The following FKTN variants were observed in gnomAD, a reference collection of about 807,000 sequenced individuals.
FKTN encodes the protein fukutin, also known as ribitol-5-phosphate transferase FKTN.
FKTN carries 47 observed loss-of-function variants against 58.6 expected under a neutral mutation model. The ratio of observed to expected loss-of-function variants is 0.80; its 90% CI spans 0.63 to 1.02. The LOEUF (loss-of-function observed/expected upper bound fraction) is 1.02, where lower values mean the gene tolerates loss of function less well. Among genes scored for constraint, FKTN ranks in the 50% least tolerant of loss-of-function variants. FKTN has a pLI of 0.00. For missense variants in FKTN, 516 were observed against 537.3 expected, an observed-to-expected ratio of 0.96 and a Z score of 0.39; for synonymous variants, 178 against 191.9, an observed-to-expected ratio of 0.93 and a Z score of 0.60.
At chr9:105,616,986 A>G (rs1830943484) in intron 8 of FKTN, among the ~76,000 whole-genome samples, 1 of 152,150 alleles carries the variant, frequency 6.6e-6, no homozygotes, top group South Asian at 2.1e-4. Context: ...AAGACACTTC[A>G]TAGTCATTTG....
At chr9:105,600,008 T>C (rs148485357) in intron 4 of FKTN, among the ~76,000 whole-genome samples, 188 of 152,164 alleles carry the variant, frequency 1.2e-3, no homozygotes, top group African/African-American at 4.2e-3. Flanking sequence ...TATAGGGCAA[T>C]TCAGATTTTG....
intron 3 of FKTN, among the ~76,000 whole-genome samples, chr9:105,582,156 C>T (rs959091835): frequency 2.0e-5 from 3 of 152,086 alleles, no homozygotes; most frequent in African/African-American, 7.2e-5. Flanking sequence ...AGCTGTAGAC[C>T]GGAGCTGTTC....
In FKTN at chr9:105,607,974, C is replaced by T. The variant is rs1215929484; in HGVS notation, c.780+23C>T. 2.5e-6 allele frequency: 4 copies of T among 1,598,216 alleles called. 1 individual carries two copies. The Admixed American group carries it at 6.7e-5, about 27-fold the overall frequency. Reference sequence around the variant, plus strand: ...CAGGTTAGAGACAACCAAATGTGTACTTTTAAATTAAAGAAAATGTTGGGA... The same window carrying T: ...CAGGTTAGAGACAACCAAATGTGTATTTTTAAATTAAAGAAAATGTTGGGA... On this transcript the variant is annotated intron_variant, in intron 7 of 10. Transcript: ENST00000357998.
intron 3 of FKTN, among the ~76,000 whole-genome samples, chr9:105,589,977 G>T (rs2132434690): frequency 6.6e-6 from 1 of 152,302 alleles, no homozygotes; most frequent in South Asian, 2.1e-4. Context: ...CCGTTGTAAG[G>T]ACTTTGACCT....
At chr9:105,589,430 A>C (rs1844462978) in intron 3 of FKTN, among the ~76,000 whole-genome samples, 1 of 148,856 alleles carries the variant, frequency 6.7e-6, no homozygotes, top group Non-Finnish European at 1.5e-5. Context: ...TGAACCCAGG[A>C]GGCGGAGGTT....
At chr9:105,631,473 A>G in intron 10 of FKTN, among the ~76,000 whole-genome samples, 1 of 151,810 alleles carries the variant, frequency 6.6e-6, no homozygotes, top group East Asian at 1.9e-4. Context: ...CAGGTTCGGG[A>G]ACAGGCAACC....
rs1827828109 is a variant in FKTN, at chr9:105,601,278, A to C, written c.299A>C (p.Gln100Pro). The change falls in exon 5 of 11, where the codon CAA becomes CCA. Residue 100 changes from glutamine (Q) to proline (P), a missense_variant. Transcript: ENST00000357998. ...VKNTSHGSTS[Q>P]CKFFCVPRDF... ...AATACTTCTCATGGCTCTACTTCAC[A>C]ATGCAAGTTTTTCTGTGTTCCAAGA... 2 of 1,612,888 alleles carry C rather than the reference A, an allele frequency of 1.2e-6. No individual in the cohort carries two copies. Among genetic ancestry groups the C allele is most frequent in the South Asian group, 2.2e-5 (2 of 91,068 alleles).
chr9:105,627,248 A>G (rs541072110), intron 10 of FKTN, among the ~76,000 whole-genome samples: 2 of 152,276 alleles, frequency 1.3e-5, no homozygotes, highest in Admixed American at 1.3e-4. Context: ...ATTGGAATAC[A>G]GGCATGAGCT....
chr9:105,621,721 C>G (rs1208539717), intron 10 of FKTN, among the ~76,000 whole-genome samples: 1 of 152,026 alleles, frequency 6.6e-6, no homozygotes, highest in Non-Finnish European at 1.5e-5. Flanking sequence ...CCTCACATAG[C>G]TATGTATCTT....
At chr9:105,580,369 C>G (rs1488865738) in intron 3 of FKTN, among the ~76,000 whole-genome samples, 36 of 151,218 alleles carry the variant, frequency 2.4e-4, no homozygotes, top group East Asian at 7.9e-4. Context: ...CTGGTGGTGA[C>G]AAAATCTCTC....
intron 6 of FKTN, among the ~76,000 whole-genome samples, chr9:105,605,190 G>T (rs1828674116): frequency 6.6e-6 from 1 of 151,800 alleles, no homozygotes; most frequent in South Asian, 2.1e-4. Context: ...TGTATACACA[G>T]CTTCATAATC....
At chr9:105,569,725 C>A (rs1840404215) in intron 1 of FKTN, among the ~76,000 whole-genome samples, 1 of 152,144 alleles carries the variant, frequency 6.6e-6, no homozygotes, top group South Asian at 2.1e-4. Flanking sequence ...ATATATTAAT[C>A]TTCTCATATT....
chr9:105,602,465 G>A (rs1828050541), intron 5 of FKTN, among the ~76,000 whole-genome samples: 1 of 152,232 alleles, frequency 6.6e-6, no homozygotes. Context: ...TAGTCAAGAG[G>A]AAGAAGCAAA....
intron 3 of FKTN, 123 bp downstream of exon 3, chr9:105,575,260 G>A: frequency 4.3e-6 from 3 of 695,470 alleles, no homozygotes; most frequent in Admixed American, 2.1e-5. Flanking sequence ...TCTTTGCGAG[G>A]TGTGGCAAAC....
At position 105,607,922 on chromosome 9, in the gene FKTN, A is replaced by T. The variant is rs1269924454; in HGVS notation, c.751A>T (p.Arg251Trp). 6.2e-7 allele frequency: 1 copy of T among 1,609,438 alleles called. No homozygotes were observed. Among genetic ancestry groups the T allele is most frequent in the South Asian group, 1.1e-5 (1 of 90,984 alleles). ...ACCACACTCTAGGTTTATTGAGTGT[A>T]GGTATAAAGAAGCTCGAGCATTCTT... ...EVPHSRFIEC[R>W]YKEARAFFQQ... The change falls in exon 7 of 11, where the codon AGG (arginine) becomes TGG (tryptophan). Residue 251 changes from arginine (R) to tryptophan (W), a missense_variant. Transcript: ENST00000357998.
intron 10 of FKTN, among the ~76,000 whole-genome samples, chr9:105,624,109 C>G (rs990798733): frequency 6.6e-6 from 1 of 152,002 alleles, no homozygotes; most frequent in Admixed American, 6.5e-5. Context: ...ATACATATTG[C>G]CAGGTTGCAT....
At chr9:105,583,058 G>C (rs1373751360) in intron 3 of FKTN, among the ~76,000 whole-genome samples, 1 of 152,284 alleles carries the variant, frequency 6.6e-6, no homozygotes, top group East Asian at 1.9e-4. Flanking sequence ...AAATATAAGA[G>C]AATCTGGGGA....
At chr9:105,570,602 C>T (rs1564203180) in intron 1 of FKTN, among the ~76,000 whole-genome samples, 1 of 152,098 alleles carries the variant, frequency 6.6e-6, no homozygotes, top group Non-Finnish European at 1.5e-5. Context: ...TCACTACTGC[C>T]CTTCTTCTTT....
chr9:105,623,648 C>G (rs1564339958), intron 10 of FKTN, among the ~76,000 whole-genome samples: 1 of 152,130 alleles, frequency 6.6e-6, no homozygotes, highest in Admixed American at 6.5e-5. Flanking sequence ...AGGTGTGGAT[C>G]CTGTGTAATT....
Sources: gnomAD v4.1 joint callset for allele counts (sites outside exome capture counted in the v4.1 genomes callset) on GRCh38, gnomAD v4.1.1 for gene constraint, MANE v1.5 for transcripts, NCBI Gene and HGNC (gene_info 2026-07-23, HGNC 2026-07-21) for gene names.